Variants in CUBN observed in about 807,000 individuals in gnomAD.
CUBN encodes the protein 460 kDa receptor.
Under a neutral mutation model 405.3 loss-of-function variants are expected in CUBN, and 282 were observed. That is an observed-to-expected ratio of 0.70 (90% confidence interval 0.63 to 0.77). The LOEUF (loss-of-function observed/expected upper bound fraction) is 0.77. Among genes scored for constraint, CUBN ranks in the 30% least tolerant of loss-of-function variants. The pLI is 0.00. For missense variants in CUBN, 4,514 were observed against 4,475.2 expected (o/e 1.01, Z -0.25); for synonymous variants, 1,684 against 1,617.0 (o/e 1.04, Z -0.99).
chr10:17,118,093 T>C (rs781750177), intron 6 of CUBN, among the ~76,000 whole-genome samples: 3 of 152,206 alleles, frequency 2.0e-5, no homozygotes, highest in Non-Finnish European at 2.9e-5. Context: ...TCCTTCATCC[T>C]TGCTATTATC....
At chr10:16,957,378 T>C (rs1843094031) in intron 31 of CUBN, among the ~76,000 whole-genome samples, 1 of 152,228 alleles carries the variant, frequency 6.6e-6, no homozygotes, top group South Asian at 2.1e-4. Context: ...TGTGTTCATT[T>C]CTATTGCTAA....
intron 14 of CUBN, among the ~76,000 whole-genome samples, chr10:17,094,521 C>G (rs927827231): frequency 2.0e-5 from 3 of 151,934 alleles, no homozygotes; most frequent in African/African-American, 7.2e-5. Context: ...CACTAAAATA[C>G]TTTTAGAACT....
rs1472104399 is a variant in CUBN, at chr10:16,906,399, C to T, written c.7716G>A (p.Gly2572=). The part of the protein sequence containing the change: ...YTSSEDAVCG[G]SLPNTPEGNF... ...TTCCTTCAGGAGTATTTGGAAGAGACCCACCACACACTAAGAAAACAGAAG... is the reference window on the plus strand; with the variant it reads ...TTCCTTCAGGAGTATTTGGAAGAGATCCACCACACACTAAGAAAACAGAAG... The change falls in exon 50 of 67, where the codon GGG becomes GGA. Residue 2572 remains glycine (G), a synonymous_variant. Transcript: ENST00000377833. 6.2e-7 allele frequency: 1 copy of T among 1,612,400 alleles called. No homozygotes were observed. The highest frequency in any genetic ancestry group is 1.1e-5 in the South Asian group (1 of 91,030).
At position 17,063,343 on chromosome 10, in the gene CUBN, A is replaced by C. The variant is rs149787236; in HGVS notation, c.3139+2165T>G. On this transcript the variant is annotated intron_variant, in intron 22 of 66. Coordinates refer to ENST00000377833, the MANE Select transcript of CUBN (RefSeq NM_001081.4). The stretch of plus-strand genomic sequence containing the variant: ...GTGACCAGCCGGGCTCAGCCCAGGG[A>C]CAGAAAGCAAACACTCCCTCGTCTG... Among the ~76,000 whole-genome samples the C allele has an allele frequency of 8.5e-5, 13 of 152,352 alleles. No homozygotes were observed. In the East Asian group the frequency reaches 2.5e-3, roughly 29 times the overall value.
intron 31 of CUBN, among the ~76,000 whole-genome samples, chr10:16,977,310 C>G (rs984094896): frequency 6.6e-6 from 1 of 152,070 alleles, no homozygotes; most frequent in Non-Finnish European, 1.5e-5. Context: ...ATCCTGTATT[C>G]ATATAAACCC....
intron 48 of CUBN, among the ~76,000 whole-genome samples, chr10:16,913,128 A>G (rs1005226889): frequency 1.3e-5 from 2 of 152,126 alleles, no homozygotes; most frequent in African/African-American, 2.4e-5. Flanking sequence ...AAGATTTTTG[A>G]CCCAAGCAAC....
chr10:17,063,323 C>T (rs1335920362), intron 22 of CUBN, among the ~76,000 whole-genome samples: 1 of 152,136 alleles, frequency 6.6e-6, no homozygotes, highest in Admixed American at 6.6e-5. Flanking sequence ...GCACAGTGAC[C>T]AGCCGGGCTC....
rs1834204475 is a variant in CUBN, at chr10:17,012,193, AG to A, written c.4168+7639del. ...GATTCTAGAGGAAACAAATTTGACA[AG>A]GAGGTTAAAAATACAGGGCCCGAAG... is the stretch of plus-strand genomic sequence containing the variant. On this transcript the variant is annotated intron_variant, in intron 28 of 66. Transcript: ENST00000377833. Among the ~76,000 whole-genome samples, 6 of 152,332 alleles carry A rather than the reference AG, an allele frequency of 3.9e-5. No individual in the cohort carries two copies. The South Asian group carries it at 1.2e-3, about 32-fold the overall frequency.
intron 56 of CUBN, among the ~76,000 whole-genome samples, chr10:16,877,893 A>G (rs969221644): frequency 2.0e-5 from 3 of 152,218 alleles, no homozygotes; most frequent in African/African-American, 7.2e-5. Context: ...ATCATACCTA[A>G]TTTGTATTAA....
At chr10:17,035,437 G>A (rs1834875009) in intron 27 of CUBN, among the ~76,000 whole-genome samples, 1 of 152,186 alleles carries the variant, frequency 6.6e-6, no homozygotes, top group African/African-American at 2.4e-5. Flanking sequence ...TCAATGAAGA[G>A]GAGGTAGAAA....
At chr10:16,865,595 G>A (rs924457126) in intron 59 of CUBN, among the ~76,000 whole-genome samples, 4 of 151,984 alleles carry the variant, frequency 2.6e-5, no homozygotes, top group African/African-American at 4.8e-5. Context: ...ACCAATCAGC[G>A]CTCTGTAGCT....
chr10:16,841,958 A>G (rs907266135), intron 60 of CUBN, among the ~76,000 whole-genome samples: 4 of 149,118 alleles, frequency 2.7e-5, no homozygotes, highest in African/African-American at 7.3e-5. Flanking sequence ...AAGGCCTTCC[A>G]GATGTAAACT....
intron 14 of CUBN, 87 bp downstream of exon 14, chr10:17,099,918 T>A: frequency 1.3e-6 from 1 of 798,226 alleles, no homozygotes; most frequent in Admixed American, 1.7e-5. Flanking sequence ...TCCCAAAACA[T>A]CTCATGTATC....
chr10:17,063,191 G>A lies in CUBN; in HGVS notation c.3139+2317C>T, dbSNP rs1481344162. On this transcript the variant is annotated intron_variant, in intron 22 of 66. Transcript: ENST00000377833. ...CAGGTCTTGATCTATGGGAAACTGT[G>A]ACAGGCTCCAGAATTATAAACAGAA... Among the ~76,000 whole-genome samples the A allele has an allele frequency of 3.3e-5, 5 of 152,144 alleles. No homozygotes were observed. The East Asian group carries it at 9.6e-4, about 29-fold the overall frequency.
intron 28 of CUBN, among the ~76,000 whole-genome samples, chr10:16,994,484 A>G (rs568629017): frequency 1.3e-5 from 2 of 152,316 alleles, no homozygotes; most frequent in South Asian, 2.1e-4. Context: ...TCATCCTGCC[A>G]TTACCAGTCA....
chr10:16,836,151 A>T, intron 63 of CUBN, 84 bp downstream of exon 63: 3 of 1,347,274 alleles, frequency 2.2e-6, no homozygotes, highest in Non-Finnish European at 3.2e-6. Context: ...ACAGGAGTCA[A>T]TTCTAGAAAT....
At chr10:17,029,524 G>A (rs1394230971) in intron 27 of CUBN, among the ~76,000 whole-genome samples, 2 of 152,238 alleles carry the variant, frequency 1.3e-5, no homozygotes, top group Non-Finnish European at 2.9e-5. Context: ...TTAGTACGGT[G>A]CTAGACTCAT....
In CUBN at chr10:17,100,215, A is replaced by G; in HGVS notation, c.1555T>C (p.Phe519Leu). 6.2e-7 allele frequency: 1 copy of G among 1,613,418 alleles called. No individual in the cohort carries two copies. ...GKVLRITFTF[F>L]RLESMDNCPH... The stretch of plus-strand genomic sequence containing the variant: ...CAGTTGTCCATGGATTCTAACCGGA[A>G]AAAAGTGAAAGTGATACGCAGGACC... Residue 519 changes from phenylalanine to leucine, a missense_variant, in exon 14 of 67, where the codon TTC becomes CTC. Coordinates refer to ENST00000377833, the MANE Select transcript of CUBN (RefSeq NM_001081.4).
chr10:17,017,698 G>A (rs4536106), intron 28 of CUBN, among the ~76,000 whole-genome samples: 50,509 of 152,006 alleles, frequency 0.33, 8,726 homozygotes, highest in East Asian at 0.59. Flanking sequence ...TTTGGGCAAA[G>A]ATTATGTCTT....
Sources: allele counts gnomAD v4.1 joint callset (sites outside exome capture counted in the v4.1 genomes callset), GRCh38; gene constraint gnomAD v4.1.1; transcripts MANE v1.5; gene names NCBI Gene and HGNC (gene_info 2026-07-23, HGNC 2026-07-21).